Variants in RIPPLY3 observed in about 807,000 individuals in gnomAD.
The protein encoded by RIPPLY3 is ripply transcriptional repressor 3, also known as protein ripply3.
In RIPPLY3, 8 loss-of-function variants were observed where a neutral mutation model predicts 11.9. The ratio of observed to expected loss-of-function variants is 0.67; its 90% confidence interval spans 0.40 to 1.21. The LOEUF is 1.21. Ranked by LOEUF, RIPPLY3 falls within the 50% of genes most tolerant of loss-of-function variation. The probability of loss-of-function intolerance (pLI) is 0.01; values close to 1 mark genes in which losing one functional copy is unlikely to be tolerated. For synonymous variants in RIPPLY3, 102 were observed against 99.0 expected, an observed-to-expected ratio of 1.03 and a Z score of -0.18; for missense variants, 271 against 246.0, an observed-to-expected ratio of 1.10 and a Z score of -0.68.
Position 37,006,888 on chromosome 21 carries a change from C to T in RIPPLY3, c.104+12C>T. On this transcript the variant is annotated intron_variant, in intron 1 of 3. Coordinates refer to ENST00000329553, the MANE Select transcript of RIPPLY3 (RefSeq NM_018962.3). The surrounding 1 kb of genome is among the most constrained non-coding windows in gnomAD (Gnocchi z 5.2). ...CGCGGGCCGGAGAGGTGAGGGTGGC[C>T]CCGCGCCCCGGTGGACGCGCTGAGA... 8.3e-7 allele frequency: 1 copy of T among 1,208,184 alleles called. No individual in the cohort carries two copies. Among genetic ancestry groups the T allele is most frequent in the Non-Finnish European group, 1.0e-6 (1 of 969,950 alleles). The allele number at this position is 1,208,184 out of a possible 1,614,324, so 74.8% of individuals were successfully genotyped here.
chr21:37,017,654 A>T (rs2069591963), intron 3 of RIPPLY3, among the ~76,000 whole-genome samples: 2 of 152,102 alleles, frequency 1.3e-5, no homozygotes, highest in African/African-American at 4.8e-5. Context: ...GCTCAGTCAG[A>T]TTTATAACTC....
chr21:37,017,747 T>G, intron 3 of RIPPLY3, 127 bp from the exon 4 acceptor site: 1 of 754,654 alleles, frequency 1.3e-6, no homozygotes, highest in African/African-American at 1.8e-5. Flanking sequence ...AAATTCTGTG[T>G]GTTGTGAAGG....
chr21:37,011,295 ACTGCGCC>A (rs2069519436), intron 2 of RIPPLY3, among the ~76,000 whole-genome samples: 1 of 152,226 alleles, frequency 6.6e-6, no homozygotes. Flanking sequence ...GGCGTGAGCC[ACTGCGCC>A]CTGCCTGGCA....
chr21:37,009,152 C>A (rs2069496693), intron 2 of RIPPLY3, among the ~76,000 whole-genome samples: 1 of 152,132 alleles, frequency 6.6e-6, no homozygotes, highest in African/African-American at 2.4e-5. Flanking sequence ...TTGCTTTATA[C>A]TTACTGATGT....
intron 2 of RIPPLY3, among the ~76,000 whole-genome samples, chr21:37,011,191 C>T (rs573651157): frequency 1.3e-5 from 2 of 152,078 alleles, no homozygotes; most frequent in South Asian, 2.1e-4. Flanking sequence ...GTAGTAGGGA[C>T]GGGGGTTTCA....
intron 2 of RIPPLY3, among the ~76,000 whole-genome samples, chr21:37,009,996 A>T (rs1400053198): frequency 6.6e-6 from 1 of 152,204 alleles, no homozygotes; most frequent in Non-Finnish European, 1.5e-5. Context: ...GGTTCCCTGC[A>T]GTCCACCGAC....
rs1442920453 is a variant in RIPPLY3 at position 37,006,890 on chromosome 21, C to A, written c.104+14C>A. 1 of 1,206,774 alleles carries A rather than the reference C, an allele frequency of 8.3e-7. No individual in the cohort carries two copies. The highest frequency in any genetic ancestry group is 3.2e-4 in the Middle Eastern group (1 of 3,096). 74.8% of individuals were successfully genotyped at this position (1,206,774 alleles called of 1,614,324 possible). ...CGGGCCGGAGAGGTGAGGGTGGCCCCGCGCCCCGGTGGACGCGCTGAGAGG... is the reference window on the plus strand; with the variant it reads ...CGGGCCGGAGAGGTGAGGGTGGCCCAGCGCCCCGGTGGACGCGCTGAGAGG... On this transcript the variant is annotated intron_variant, in intron 1 of 3. Transcript: ENST00000329553. This position sits in a 1 kb window ranked among gnomAD's most constrained non-coding sequence, Gnocchi z 5.2.
chr21:37,012,620 A>C (rs938107752), intron 2 of RIPPLY3, among the ~76,000 whole-genome samples: 2 of 152,046 alleles, frequency 1.3e-5, no homozygotes, highest in Non-Finnish European at 2.9e-5. Flanking sequence ...TTTCTATACC[A>C]GCCTCATCTG....
intron 3 of RIPPLY3, among the ~76,000 whole-genome samples, chr21:37,013,954 G>C (rs1400705037): frequency 6.6e-6 from 1 of 152,054 alleles, no homozygotes. Flanking sequence ...TATATATTGA[G>C]GTATATTTCT....
chr21:37,008,455 C>A (rs2069488131), intron 2 of RIPPLY3, among the ~76,000 whole-genome samples: 1 of 151,966 alleles, frequency 6.6e-6, no homozygotes, highest in Admixed American at 6.6e-5. Flanking sequence ...AAAGCATACC[C>A]ACTATAAAAG....
chr21:37,014,186 T>C (rs1158703396), intron 3 of RIPPLY3, among the ~76,000 whole-genome samples: 3 of 152,018 alleles, frequency 2.0e-5, no homozygotes, highest in Non-Finnish European at 4.4e-5. Flanking sequence ...GGCATGGTGG[T>C]GGGCACCTGT....
At position 37,011,656 on chromosome 21, in the gene RIPPLY3, A is replaced by T. The variant is rs952776463; in HGVS notation, c.172-1895A>T. Among the ~76,000 whole-genome samples, 8 of 152,170 alleles carry T rather than the reference A, an allele frequency of 5.3e-5. No homozygotes were observed. The South Asian group carries it at 1.2e-3, about 24-fold the overall frequency. On this transcript the variant is annotated intron_variant, in intron 2 of 3. Coordinates refer to ENST00000329553, the MANE Select transcript of RIPPLY3 (RefSeq NM_018962.3). ...AAGAGCCTCATCACTTTCTTAGCTC[A>T]TCACAGTGAATTATGAAAATATGGC...
In RIPPLY3 at chr21:37,006,991, C is replaced by T; in HGVS notation, c.104+115C>T. On this transcript the variant is annotated intron_variant, in intron 1 of 3. Coordinates refer to ENST00000329553, the MANE Select transcript of RIPPLY3 (RefSeq NM_018962.3). This position sits in a 1 kb window ranked among gnomAD's most constrained non-coding sequence, Gnocchi z 5.2. ...GCTGAACCCCCGATCCCCAGCGGAG[C>T]TCCGGAGCTCGACGGCGACGCCAAG... 1 of 600,132 alleles carries T rather than the reference C, an allele frequency of 1.7e-6. No homozygotes were observed. The highest frequency in any genetic ancestry group is 1.9e-5 in the African/African-American group (1 of 51,584). 37.2% of individuals were successfully genotyped at this position (600,132 alleles called of 1,614,324 possible).
chr21:37,015,389 C>T (rs544395993), intron 3 of RIPPLY3, among the ~76,000 whole-genome samples: 2 of 152,238 alleles, frequency 1.3e-5, no homozygotes, highest in East Asian at 3.9e-4. Context: ...GTCTTGAACT[C>T]CTGATGTCAG....
intron 3 of RIPPLY3, among the ~76,000 whole-genome samples, chr21:37,014,939 A>T (rs200775333): frequency 1.3e-4 from 20 of 152,098 alleles, no homozygotes; most frequent in Non-Finnish European, 2.5e-4. Context: ...TATTGCCCAG[A>T]CTGGTCTTGA....
intron 2 of RIPPLY3, among the ~76,000 whole-genome samples, chr21:37,012,211 A>T (rs2069530062): frequency 1.1e-5 from 1 of 95,052 alleles, no homozygotes; most frequent in Non-Finnish European, 1.9e-5. Flanking sequence ...TCCGCTCCTT[A>T]TTTATTATTA....
chr21:37,011,235 C>T (rs1029028377), intron 2 of RIPPLY3, among the ~76,000 whole-genome samples: 2 of 152,222 alleles, frequency 1.3e-5, no homozygotes, highest in Non-Finnish European at 2.9e-5. Flanking sequence ...AACTCCTGAC[C>T]TCAGATCGTG....
chr21:37,006,567 G>A, upstream of RIPPLY3: 1 of 362,218 alleles, frequency 2.8e-6, no homozygotes, highest in Non-Finnish European at 4.9e-6. This position sits in a 1 kb window ranked among gnomAD's most constrained non-coding sequence, Gnocchi z 5.2. Context: ...CCGCTCCTCC[G>A]ACCCGGGCTT....
chr21:37,009,896 C>CTAG (rs148725533), intron 2 of RIPPLY3, among the ~76,000 whole-genome samples: 36,619 of 151,890 alleles, frequency 0.24, 4,482 homozygotes, highest in South Asian at 0.35. Flanking sequence ...CAATCCTCAC[C>CTAG]CCTAGCCCGG....
Sources: allele counts gnomAD v4.1 joint callset (sites outside exome capture counted in the v4.1 genomes callset), GRCh38; gene constraint gnomAD v4.1.1; non-coding constraint Gnocchi (gnomAD v3.1); transcripts MANE v1.5; gene names NCBI Gene and HGNC (gene_info 2026-07-23, HGNC 2026-07-21).